Variants in ARHGAP23 observed in about 807,000 individuals in gnomAD.
ARHGAP23 encodes the protein Rho GTPase activating protein 23.
Under a neutral mutation model 136.3 loss-of-function variants are expected in ARHGAP23, and 34 were observed. That is an observed-to-expected ratio of 0.25 (90% CI 0.19 to 0.33). ARHGAP23 has a LOEUF of 0.33. ARHGAP23 is among the 10% of genes least tolerant of loss of function. ARHGAP23 has a pLI of 1.00. For synonymous variants in ARHGAP23, 832 were observed against 920.5 expected (o/e 0.90, Z 1.74); for missense variants, 1,808 against 2,139.0 (o/e 0.85, Z 3.05).
At chr17:38,474,032 A>G (rs1048707658) in intron 11 of ARHGAP23, among the ~76,000 whole-genome samples, 6 of 152,094 alleles carry the variant, frequency 3.9e-5, no homozygotes, top group African/African-American at 1.4e-4. Context: ...GCAATTCTTG[A>G]GCCTCAGCCT....
Position 38,497,844 on chromosome 17 carries a change from C to G in ARHGAP23, c.3318+18C>G, listed in dbSNP as rs535002957. The G allele has an allele frequency of 1.1e-4, 176 of 1,550,996 alleles. 1 individual carries two copies. In the African/African-American group the frequency reaches 1.8e-3, roughly 16 times the overall value. On this transcript the variant is annotated intron_variant, in intron 21 of 23. Transcript: ENST00000622683. Reference sequence around the variant, plus strand: ...GAGAGAGAGTAAGTGATGCCGCGGGCTGGGCTGGCATGGGGGCTGGTCTGG... The same window carrying G: ...GAGAGAGAGTAAGTGATGCCGCGGGGTGGGCTGGCATGGGGGCTGGTCTGG...
chr17:38,504,910 A>C (rs1380004660), intron 23 of ARHGAP23, among the ~76,000 whole-genome samples: 1 of 143,622 alleles, frequency 7.0e-6, no homozygotes, highest in African/African-American at 2.6e-5. Flanking sequence ...CCAGGCACAC[A>C]TGGCAGTCTC....
intron 16 of ARHGAP23, among the ~76,000 whole-genome samples, chr17:38,483,855 G>T (rs959391678): frequency 6.6e-6 from 1 of 152,174 alleles, no homozygotes; most frequent in African/African-American, 2.4e-5. Flanking sequence ...GGTGTGAGAC[G>T]ATGGCATTTT....
At chr17:38,501,574 T>C (rs549604193) in intron 23 of ARHGAP23, among the ~76,000 whole-genome samples, 1 of 152,220 alleles carries the variant, frequency 6.6e-6, no homozygotes, top group Non-Finnish European at 1.5e-5. Context: ...GTGCTGGGAT[T>C]ACAGGCGTGA....
At chr17:38,437,738 T>A (rs4795277) in intron 1 of ARHGAP23, among the ~76,000 whole-genome samples, 1 of 151,052 alleles carries the variant, frequency 6.6e-6, no homozygotes, top group Non-Finnish European at 1.5e-5. Context: ...CCCAGGGAAG[T>A]TAGACCCTCT....
In ARHGAP23 at chr17:38,472,290, A is replaced by T. The variant is rs145539768; in HGVS notation, c.2118+284A>T. ...CACACGGGCCCTGGCTTGACAGGCC[A>T]TCCTGAAGATGGCCGCTGGGGCTCA... On this transcript the variant is annotated intron_variant, in intron 11 of 23. Coordinates refer to ENST00000622683, the MANE Select transcript of ARHGAP23 (RefSeq NM_001199417.2). Among the ~76,000 whole-genome samples the T allele has an allele frequency of 3.9e-5, 6 of 152,360 alleles. No homozygotes were observed. In the East Asian group the frequency reaches 1.2e-3, roughly 29 times the overall value.
chr17:38,467,294 C>T lies in ARHGAP23; in HGVS notation c.1611C>T (p.Ala537=). The stretch of plus-strand genomic sequence containing the variant: ...TGGGCAGGAAGGTGGCCCCTTTGGC[C>T]ACCACCGAAGACTCTCTGGCTTCCA... ...ERLGRKVAPL[A]TTEDSLASIP... Residue 537 remains alanine (A), a synonymous_variant, in exon 7 of 24, where the codon GCC becomes GCT. Transcript: ENST00000622683. The T allele has an allele frequency of 1.3e-6, 2 of 1,523,492 alleles. No individual in the cohort carries two copies. The highest frequency in any genetic ancestry group is 8.8e-7 in the Non-Finnish European group (1 of 1,134,628). 94.4% of individuals were successfully genotyped at this position (1,523,492 alleles called of 1,614,324 possible). A position where few individuals can be genotyped will look rare whatever the true frequency, so the allele number is the denominator to read the frequency against.
chr17:38,460,982 C>G lies in ARHGAP23; in HGVS notation c.253+50C>G, dbSNP rs1248108569. On this transcript the variant is annotated intron_variant, in intron 3 of 23. Coordinates refer to ENST00000622683, the MANE Select transcript of ARHGAP23 (RefSeq NM_001199417.2). ...GACCTGCACGGGACTCCTCTTCCAG[C>G]TCCTGTCTCTCCCTGTCCTCCCCTA... 12 of 1,530,936 alleles carry G rather than the reference C, an allele frequency of 7.8e-6. No homozygotes were observed. The South Asian group carries it at 1.4e-4, about 18-fold the overall frequency. 94.8% of individuals were successfully genotyped at this position (1,530,936 alleles called of 1,614,324 possible).
At chr17:38,486,738 T>C (rs2040169119) in intron 17 of ARHGAP23, among the ~76,000 whole-genome samples, 1 of 152,214 alleles carries the variant, frequency 6.6e-6, no homozygotes, top group African/African-American at 2.4e-5. Context: ...TTGTCTTCCC[T>C]CTACAGATTA....
In ARHGAP23 at chr17:38,510,670, C is replaced by G. The variant is rs1433106579; in HGVS notation, c.4174C>G (p.Leu1392Val). ...GCTCGCCGTGCGCCTGCGGCGGCCG[C>G]TGTCGCCCGAGACCCGGCGGCGCCG... ...DMLAVRLRRP[L>V]SPETRRRRSS... Residue 1392 changes from leucine (L) to valine (V), a missense_variant, in exon 24 of 24, where the codon CTG (leucine) becomes GTG (valine). Transcript: ENST00000622683. The surrounding 1 kb of genome is among the most constrained non-coding windows in gnomAD (Gnocchi z 4.6). The G allele has an allele frequency of 1.2e-5, 17 of 1,396,816 alleles. No homozygotes were observed. In the African/African-American group the frequency reaches 2.0e-4, roughly 16 times the overall value. The allele number at this position is 1,396,816 out of a possible 1,614,324, so 86.5% of individuals were successfully genotyped here. A position where few individuals can be genotyped will look rare whatever the true frequency, so the allele number is the denominator to read the frequency against.
intron 1 of ARHGAP23, among the ~76,000 whole-genome samples, chr17:38,440,433 A>G (rs1395441874): frequency 6.6e-6 from 1 of 152,236 alleles, no homozygotes; most frequent in East Asian, 1.9e-4. Context: ...AAATCCTCAG[A>G]CTACGGGACT....
chr17:38,466,759 C>T lies in ARHGAP23; in HGVS notation c.1076C>T (p.Thr359Ile). The change falls in exon 7 of 24, where the codon ACC becomes ATC. Residue 359 changes from threonine to isoleucine, a missense_variant. Coordinates refer to ENST00000622683, the MANE Select transcript of ARHGAP23 (RefSeq NM_001199417.2). ...ARSDDYLSRATRSAEALGPGA... is the reference protein window; with the variant it reads ...ARSDDYLSRAIRSAEALGPGA... ...TCAGATGACTACTTGAGCCGGGCCA[C>T]CCGTTCTGCCGAGGCACTGGGGCCA... The T allele has an allele frequency of 1.3e-6, 2 of 1,548,768 alleles. No homozygotes were observed. Among genetic ancestry groups the T allele is most frequent in the Non-Finnish European group, 1.7e-6 (2 of 1,146,112 alleles).
chr17:38,504,822 C>T (rs931566021), intron 23 of ARHGAP23, among the ~76,000 whole-genome samples: 5 of 151,918 alleles, frequency 3.3e-5, no homozygotes, highest in African/African-American at 1.2e-4. Context: ...CAGGCGGCGT[C>T]GGTGCCCCAA....
At chr17:38,483,107 A>T (rs533510083) in intron 16 of ARHGAP23, among the ~76,000 whole-genome samples, 2 of 152,310 alleles carry the variant, frequency 1.3e-5, no homozygotes, top group Admixed American at 6.5e-5. Flanking sequence ...TTTCTGCTGT[A>T]GTTTGCTCTG....
intron 1 of ARHGAP23, among the ~76,000 whole-genome samples, chr17:38,438,190 A>G (rs1004611089): frequency 3.3e-5 from 5 of 151,862 alleles, no homozygotes; most frequent in Admixed American, 6.6e-5. Context: ...GCGTGGTGGC[A>G]TGCGCCTTTA....
intron 20 of ARHGAP23, among the ~76,000 whole-genome samples, chr17:38,494,886 C>T (rs1015504772): frequency 5.5e-4 from 84 of 152,186 alleles, no homozygotes; most frequent in African/African-American, 2.2e-4. Flanking sequence ...GCCACCCGGG[C>T]GCTTCCTGTA....
In ARHGAP23 at chr17:38,428,527, C is replaced by T. The variant is rs1309941557; in HGVS notation, c.42C>T (p.Arg14=). ...TCTGCCTGGTCGGGATCCCGCCCCG[C>T]CCGGAGCCCCGGCCCCCACAGGTGA... is the stretch of plus-strand genomic sequence containing the variant. ...VAFCLVGIPP[R]PEPRPPQLPL... The change falls in exon 1 of 24, where the codon CGC becomes CGT. Residue 14 remains arginine, a synonymous_variant. Coordinates refer to ENST00000622683, the MANE Select transcript of ARHGAP23 (RefSeq NM_001199417.2). 6.9e-7 allele frequency: 1 copy of T among 1,454,404 alleles called. No homozygotes were observed. Among genetic ancestry groups the T allele is most frequent in the South Asian group, 1.3e-5 (1 of 75,260 alleles). 90.1% of individuals were successfully genotyped at this position (1,454,404 alleles called of 1,614,324 possible). A position where few individuals can be genotyped will look rare whatever the true frequency, so the allele number is the denominator to read the frequency against.
chr17:38,471,285 G>T (rs1171816171), intron 10 of ARHGAP23, among the ~76,000 whole-genome samples: 1 of 152,222 alleles, frequency 6.6e-6, no homozygotes, highest in Admixed American at 6.5e-5. Flanking sequence ...ATTATAGATG[G>T]ACTGGAAAAG....
intron 17 of ARHGAP23, chr17:38,489,686 C>T (rs2040229708): frequency 5.6e-6 from 1 of 177,924 alleles, no homozygotes; most frequent in African/African-American, 2.4e-5. Flanking sequence ...TTAAAGGTCC[C>T]CATGGACTTG....
Sources: gnomAD v4.1 joint callset for allele counts (sites outside exome capture counted in the v4.1 genomes callset) on GRCh38, gnomAD v4.1.1 for gene constraint, Gnocchi (gnomAD v3.1) non-coding constraint, MANE v1.5 for transcripts, NCBI Gene and HGNC (gene_info 2026-07-23, HGNC 2026-07-21) for gene names.